Variants in MRPL15 observed in about 807,000 individuals in gnomAD.
MRPL15 encodes the protein large ribosomal subunit protein uL15m.
In MRPL15, 24 loss-of-function variants were observed where a neutral mutation model predicts 28.0. That is an observed-to-expected ratio of 0.86 (90% CI 0.62 to 1.21). MRPL15 has a LOEUF of 1.21. MRPL15 is among the 50% of genes most tolerant of loss of function. MRPL15 has a pLI of 0.00. For missense variants in MRPL15, 343 were observed against 372.4 expected, an observed-to-expected ratio of 0.92 and a Z score of 0.65; for synonymous variants, 124 against 137.0, an observed-to-expected ratio of 0.90 and a Z score of 0.66.
In MRPL15 at chr8:54,148,485, G is replaced by T. The variant is rs1287556338; in HGVS notation, c.*766G>T. On this transcript the variant is annotated 3_prime_UTR_variant, in exon 5 of 5. Transcript: ENST00000260102. ...GTGTTATAGCTCTAGTAGAAGTCAT[G>T]GGTCACGGAAGAGAACTGTGGAACC... 6.6e-6 allele frequency among the ~76,000 whole-genome samples: 1 copy of T among 152,204 alleles called. No homozygotes were observed.
At chr8:54,142,848 T>A (rs775831341) in intron 4 of MRPL15, 62 bp downstream of exon 4, 2 of 1,601,392 alleles carry the variant, frequency 1.2e-6, no homozygotes, top group Non-Finnish European at 1.7e-6. Flanking sequence ...CTACTAATTT[T>A]AAATTACTTA....
chr8:54,137,380 G>T lies in MRPL15; in HGVS notation c.376G>T (p.Gly126Cys), dbSNP rs993225742. ...IDLTQLVNGR[G>C]VTIQPLKRDY... The stretch of plus-strand genomic sequence containing the variant: ...CTTAACCCAGCTTGTCAATGGGAGA[G>T]GTGTGACCATCCAGCCACTTAAAAG... The change falls in exon 3 of 5, where the codon GGT becomes TGT. Residue 126 changes from glycine (G) to cysteine (C), a missense_variant. Physicochemically the swap from Gly to Cys is radical, Grantham distance 159. Transcript: ENST00000260102. 1 of 1,614,000 alleles carries T rather than the reference G, an allele frequency of 6.2e-7. No individual in the cohort carries two copies. The highest frequency in any genetic ancestry group is 8.5e-7 in the Non-Finnish European group (1 of 1,180,036).
Position 54,148,097 on chromosome 8 carries a change from A to C in MRPL15, c.*378A>C, listed in dbSNP as rs1400876850. On this transcript the variant is annotated 3_prime_UTR_variant, in exon 5 of 5. Transcript: ENST00000260102. ...TGTAGGCCTGCTCTGCCGAGATGAG[A>C]GCAGATGGAATGAGTTGGTGACCCC... 1.3e-5 allele frequency among the ~76,000 whole-genome samples: 2 copies of C among 152,098 alleles called. No homozygotes were observed. Among genetic ancestry groups the C allele is most frequent in the Admixed American group, 6.5e-5 (1 of 15,272 alleles).
intron 2 of MRPL15, among the ~76,000 whole-genome samples, 186 bp downstream of exon 2, chr8:54,136,851 G>C (rs1293135650): frequency 6.6e-6 from 1 of 152,160 alleles, no homozygotes; most frequent in African/African-American, 2.4e-5. Flanking sequence ...AAGAGGCCCA[G>C]ACACTGCACT....
In MRPL15 at chr8:54,136,496, T is replaced by C. The variant is rs1367363912; in HGVS notation, c.109-15T>C. The C allele has an allele frequency of 3.2e-6, 5 of 1,581,158 alleles. No individual in the cohort carries two copies. The highest frequency in any genetic ancestry group is 1.8e-4 in the Middle Eastern group (1 of 5,666). Reference sequence around the variant, plus strand: ...ATGCATCTGAAATTCATAAAATTCTTTTTTTTCCTTGCAGGAGAGAAGACC... The same window carrying C: ...ATGCATCTGAAATTCATAAAATTCTCTTTTTTCCTTGCAGGAGAGAAGACC... On this transcript the variant is annotated splice_polypyrimidine_tract_variant and intron_variant, in intron 1 of 4. Coordinates refer to ENST00000260102, the MANE Select transcript of MRPL15 (RefSeq NM_014175.4).
intron 3 of MRPL15, among the ~76,000 whole-genome samples, chr8:54,140,619 G>A (rs1368711073): frequency 7.4e-6 from 1 of 134,422 alleles, no homozygotes; most frequent in Non-Finnish European, 1.5e-5. Context: ...TGTCACCCAG[G>A]CTGGAGTGCA....
At chr8:54,144,457 T>A (rs1009186435) in intron 4 of MRPL15, among the ~76,000 whole-genome samples, 3 of 152,112 alleles carry the variant, frequency 2.0e-5, no homozygotes, top group Non-Finnish European at 4.4e-5. Context: ...CTTTTTCCCA[T>A]AATTGAAAGC....
chr8:54,138,301 C>CTTT (rs71254537), intron 3 of MRPL15, among the ~76,000 whole-genome samples: 5,956 of 56,976 alleles, frequency 0.1, 1,142 homozygotes, highest in East Asian at 0.32. Flanking sequence ...TCAGGAAGAT[C>CTTT]TTTTTTTTTT....
chr8:54,144,078 G>GT (rs1810977025), intron 4 of MRPL15, among the ~76,000 whole-genome samples: 1 of 152,258 alleles, frequency 6.6e-6, no homozygotes. Flanking sequence ...AGCTGACAAA[G>GT]TATAAGTTCA....
At chr8:54,144,536 C>A (rs1329298918) in intron 4 of MRPL15, among the ~76,000 whole-genome samples, 1 of 152,038 alleles carries the variant, frequency 6.6e-6, no homozygotes, top group Non-Finnish European at 1.5e-5. Context: ...TTTGGGAAGC[C>A]GAGATGGACG....
intron 1 of MRPL15, among the ~76,000 whole-genome samples, chr8:54,136,035 A>G (rs1249435078): frequency 1.3e-5 from 2 of 152,236 alleles, no homozygotes; most frequent in African/African-American, 4.8e-5. Flanking sequence ...TTAGTTGACA[A>G]TGTACTGTCA....
At chr8:54,136,745 G>T in intron 2 of MRPL15, 80 bp downstream of exon 2, 1 of 1,486,770 alleles carries the variant, frequency 6.7e-7, no homozygotes, top group Non-Finnish European at 9.1e-7. Flanking sequence ...TAGAAATTTT[G>T]GTGGAAATTG....
rs889097526 is a variant in MRPL15 at position 54,143,474 on chromosome 8, T to C, written c.553+688T>C. ...CCAAAATTTGGAGTCCTGAACTTTTTCTTTTATGCCCTCATAAATCTTTTG... is the reference window on the plus strand; with the variant it reads ...CCAAAATTTGGAGTCCTGAACTTTTCCTTTTATGCCCTCATAAATCTTTTG... On this transcript the variant is annotated intron_variant, in intron 4 of 4. Transcript: ENST00000260102. Among the ~76,000 whole-genome samples the C allele has an allele frequency of 6.6e-5, 10 of 152,318 alleles. No individual in the cohort carries two copies. The South Asian group carries it at 8.3e-4, about 13-fold the overall frequency.
intron 3 of MRPL15, among the ~76,000 whole-genome samples, chr8:54,138,971 C>T (rs1810873937): frequency 1.3e-5 from 2 of 152,028 alleles, no homozygotes; most frequent in Admixed American, 6.6e-5. Context: ...GGATTACAGG[C>T]ACCTGCCACC....
intron 3 of MRPL15, among the ~76,000 whole-genome samples, chr8:54,139,906 A>G (rs879867510): frequency 9.2e-5 from 14 of 152,324 alleles, no homozygotes; most frequent in Non-Finnish European, 1.9e-4. Flanking sequence ...TAAGCAAACT[A>G]TGGATTGCTT....
intron 3 of MRPL15, among the ~76,000 whole-genome samples, chr8:54,137,955 T>G (rs1810856598): frequency 6.6e-6 from 1 of 152,032 alleles, no homozygotes; most frequent in Non-Finnish European, 1.5e-5. Flanking sequence ...GCCTTCTTTT[T>G]TTTTTGTTTT....
chr8:54,136,588 GC>G lies in MRPL15; in HGVS notation c.190del (p.Arg64AlafsTer33), dbSNP rs1327268157. On this transcript the variant is annotated frameshift_variant, in exon 2 of 5. Coordinates refer to ENST00000260102, the MANE Select transcript of MRPL15 (RefSeq NM_014175.4). LOFTEE classifies it high-confidence loss of function. ...AAGGAGAAAGGCAAAGAGGAACCCGGCCCCGCTTGGGCTTTGAGGGAGGCCA... is the reference window on the plus strand; with the variant it reads ...AAGGAGAAAGGCAAAGAGGAACCCGGCCCGCTTGGGCTTTGAGGGAGGCCA... ...HKGERQRGTRPRLGFEGGQTP... is the reference protein window; with the variant it reads ...HKGERQRGTRXRLGFEGGQTP... The G allele has an allele frequency of 6.2e-7, 1 of 1,614,192 alleles. No individual in the cohort carries two copies. Among genetic ancestry groups the G allele is most frequent in the Admixed American group, 1.7e-5 (1 of 60,020 alleles).
chr8:54,139,018 G>C (rs1810874995), intron 3 of MRPL15, among the ~76,000 whole-genome samples: 1 of 151,790 alleles, frequency 6.6e-6, no homozygotes, highest in African/African-American at 2.4e-5. Context: ...TTTGTTTTTG[G>C]AGATGGAGTC....
chr8:54,136,654 C>T lies in MRPL15; in HGVS notation c.252C>T (p.Asn84=), dbSNP rs1370279914. 1.9e-6 allele frequency: 3 copies of T among 1,613,850 alleles called. No individual in the cohort carries two copies. The highest frequency in any genetic ancestry group is 2.5e-6 in the Non-Finnish European group (3 of 1,179,934). The change falls in exon 2 of 5, where the codon AAC becomes AAT. Residue 84 remains asparagine (N), a synonymous_variant. Coordinates refer to ENST00000260102, the MANE Select transcript of MRPL15 (RefSeq NM_014175.4). ...FYIRIPKYGF[N]EGHSFRRQYK... is the part of the protein sequence containing the mutation. ...TCCGAATCCCAAAATACGGGTTTAA[C>T]GAAGGACATAGGTAAGGTTGCTTTG...
Sources: gnomAD v4.1 joint callset for allele counts (sites outside exome capture counted in the v4.1 genomes callset) on GRCh38, gnomAD v4.1.1 for gene constraint, MANE v1.5 for transcripts, NCBI Gene and HGNC (gene_info 2026-07-23, HGNC 2026-07-21) for gene names.